The following NUP205 variants were observed in gnomAD, a reference collection of about 807,000 sequenced individuals.
The protein encoded by NUP205 is nucleoporin 205, also known as nuclear pore complex protein Nup205.
A neutral mutation model predicts 253.8 loss-of-function variants in NUP205; 76 were observed. That is an observed-to-expected ratio of 0.30 (90% CI 0.25 to 0.36). The LOEUF (loss-of-function observed/expected upper bound fraction) is 0.36, where lower values mean the gene tolerates loss of function less well. Among genes scored for constraint, NUP205 ranks in the 10% least tolerant of loss-of-function variants. NUP205 has a pLI of 1.00. For missense variants in NUP205, 2,162 were observed against 2,425.5 expected (o/e 0.89, Z 2.28); for synonymous variants, 832 against 850.1 (o/e 0.98, Z 0.37).
intron 2 of NUP205, among the ~76,000 whole-genome samples, chr7:135,571,676 C>T (rs763780146): frequency 1.3e-5 from 2 of 151,894 alleles, no homozygotes; most frequent in Non-Finnish European, 2.9e-5. Context: ...AATGGGGAGT[C>T]ATTCATCCCC....
At chr7:135,607,423 T>A (rs925931328) in intron 22 of NUP205, 52 bp downstream of exon 22, 2 of 1,593,776 alleles carry the variant, frequency 1.3e-6, no homozygotes, top group East Asian at 4.5e-5. Flanking sequence ...CTTGACCAGG[T>A]GCATGAGTAC....
At position 135,643,346 on chromosome 7, in the gene NUP205, T is replaced by C; in HGVS notation, c.5547T>C (p.Asp1849=). The change falls in exon 39 of 43, where the codon GAT becomes GAC. Residue 1849 remains aspartate, a synonymous_variant. Transcript: ENST00000285968. ...KLQNVEQLPP[D]EIKELCQSVM... ...AAAATGTAGAGCAGCTTCCCCCAGA[T>C]GAGATAAAAGAGGTACGAATCTTAT... 6.2e-7 allele frequency: 1 copy of C among 1,613,626 alleles called. No homozygotes were observed. The highest frequency in any genetic ancestry group is 8.5e-7 in the Non-Finnish European group (1 of 1,179,646).
rs1806148543 is a variant in NUP205, at chr7:135,576,263, T to G, written c.344-7T>G. 23 of 1,611,118 alleles carry G rather than the reference T, an allele frequency of 1.4e-5. No individual in the cohort carries two copies. The highest frequency in any genetic ancestry group is 1.9e-5 in the Non-Finnish European group (22 of 1,178,420). ...TAACAATATTATTTCTCAACTTCCT[T>G]TTTTAGGAGAGCATCAACAGCCACA... On this transcript the variant is annotated splice_region_variant and splice_polypyrimidine_tract_variant and intron_variant, in intron 3 of 42. Transcript: ENST00000285968.
At chr7:135,619,361 A>C (rs1313056512) in intron 28 of NUP205, 62 bp from the exon 29 acceptor site, 2 of 1,534,530 alleles carry the variant, frequency 1.3e-6, no homozygotes, top group African/African-American at 2.8e-5. Flanking sequence ...AAAGCTATGA[A>C]ATTTGTTAAT....
intron 1 of NUP205, among the ~76,000 whole-genome samples, chr7:135,560,680 A>G (rs777696481): frequency 1.3e-5 from 2 of 152,234 alleles, no homozygotes; most frequent in Non-Finnish European, 2.9e-5. Flanking sequence ...CACATAAAAC[A>G]ACGTGGATGA....
At chr7:135,575,263 A>T (rs115125969) in intron 3 of NUP205, among the ~76,000 whole-genome samples, 308 of 152,308 alleles carry the variant, frequency 2.0e-3, no homozygotes, top group African/African-American at 7.1e-3. Context: ...AGAACTCTTA[A>T]CAACATCATG....
rs1210618148 is a variant in NUP205, at chr7:135,628,012, C to T, written c.4833C>T (p.Thr1611=). The T allele has an allele frequency of 6.2e-7, 1 of 1,611,704 alleles. No individual in the cohort carries two copies. The highest frequency in any genetic ancestry group is 8.5e-7 in the Non-Finnish European group (1 of 1,179,496). ...GMRDPPMFIP[T]PVDRYRQILL... Reference sequence around the variant, plus strand: ...GAGACCCTCCAATGTTCATCCCTACCCCAGTGGATCGCTACCGCCAGATTC... The same window carrying T: ...GAGACCCTCCAATGTTCATCCCTACTCCAGTGGATCGCTACCGCCAGATTC... Residue 1611 remains threonine, a synonymous_variant, in exon 34 of 43, where the codon ACC becomes ACT. Coordinates refer to ENST00000285968, the MANE Select transcript of NUP205 (RefSeq NM_015135.3).
chr7:135,625,122 T>C (rs1794556924), intron 31 of NUP205, 42 bp from the exon 32 acceptor site: 5 of 1,469,828 alleles, frequency 3.4e-6, no homozygotes, highest in Non-Finnish European at 4.7e-6. Context: ...TTGATTTTGG[T>C]AGCATCTACA....
intron 38 of NUP205, among the ~76,000 whole-genome samples, chr7:135,640,161 C>T (rs1274774056): frequency 1.3e-5 from 2 of 152,172 alleles, no homozygotes; most frequent in Non-Finnish European, 2.9e-5. Flanking sequence ...ACCACCATGG[C>T]ACATGTATAC....
chr7:135,563,418 ACCTCGTGATGTGGCCCGCCTTGG>A (rs1471352623), intron 1 of NUP205, among the ~76,000 whole-genome samples: 1 of 152,062 alleles, frequency 6.6e-6, no homozygotes, highest in East Asian at 1.9e-4. Flanking sequence ...TGATCTCCTG[ACCTCGTGATGTGGCCCGCCTTGG>A]CCTCTCAAAG....
chr7:135,631,269 A>AT (rs1794708890), intron 35 of NUP205, among the ~76,000 whole-genome samples: 1 of 152,264 alleles, frequency 6.6e-6, no homozygotes, highest in Admixed American at 6.5e-5. Context: ...ATAGGTATAC[A>AT]TGTGAATTTT....
chr7:135,626,462 C>A, intron 33 of NUP205, 101 bp downstream of exon 33: 1 of 1,313,496 alleles, frequency 7.6e-7, no homozygotes, highest in Non-Finnish European at 1.0e-6. Context: ...AATTCTCTTT[C>A]ATCTTGGTGT....
intron 17 of NUP205, 68 bp downstream of exon 17, chr7:135,601,575 T>A: frequency 6.6e-7 from 1 of 1,509,238 alleles, no homozygotes; most frequent in Admixed American, 2.0e-5. Context: ...AAACTGAGAA[T>A]TTGAAATAGA....
Position 135,614,251 on chromosome 7 carries a change from G to T in NUP205, c.3288G>T (p.Gln1096His), listed in dbSNP as rs191301227. The T allele has an allele frequency of 1.9e-6, 3 of 1,597,374 alleles. No homozygotes were observed. The African/African-American group carries it at 4.0e-5, about 21-fold the overall frequency. The change falls in exon 23 of 43, where the codon CAG (glutamine) becomes CAT (histidine). Residue 1096 changes from glutamine (Q) to histidine (H), a missense_variant. Physicochemically the swap from Gln to His is conservative, Grantham distance 24. Coordinates refer to ENST00000285968, the MANE Select transcript of NUP205 (RefSeq NM_015135.3). ...TSQDFLFSQLQYLPFSNKEYE... is the reference protein window; with the variant it reads ...TSQDFLFSQLHYLPFSNKEYE... ...AGGATTTCTTATTTTCCCAGTTGCA[G>T]TATCTACCATTTTCTAACAAAGGTA...
At position 135,635,573 on chromosome 7, in the gene NUP205, T is replaced by C; in HGVS notation, c.5060-8T>C. The C allele has an allele frequency of 6.7e-7, 1 of 1,483,114 alleles. No individual in the cohort carries two copies. Among genetic ancestry groups the C allele is most frequent in the Non-Finnish European group, 9.4e-7 (1 of 1,068,410 alleles). 91.9% of individuals were successfully genotyped at this position (1,483,114 alleles called of 1,614,324 possible). ...ATAATATGTTTTAAAGCATTCTACA[T>C]TTTATAGGAATATTAAGTGAACTTG... On this transcript the variant is annotated splice_polypyrimidine_tract_variant and splice_region_variant and intron_variant, in intron 35 of 42. Transcript: ENST00000285968.
chr7:135,631,936 A>G (rs1794723644), intron 35 of NUP205, among the ~76,000 whole-genome samples: 2 of 152,140 alleles, frequency 1.3e-5, no homozygotes, highest in South Asian at 4.2e-4. Flanking sequence ...TTTTTAGTAG[A>G]GACGGGGTTT....
At chr7:135,637,871 C>G in intron 36 of NUP205, 60 bp from the exon 37 acceptor site, 1 of 1,499,638 alleles carries the variant, frequency 6.7e-7, no homozygotes, top group East Asian at 2.3e-5. Flanking sequence ...GTTTCTATCC[C>G]TCAAGAAAGA....
chr7:135,578,637 CA>C, intron 6 of NUP205, 113 bp from the exon 7 acceptor site: 1 of 672,588 alleles, frequency 1.5e-6, no homozygotes, highest in Non-Finnish European at 2.4e-6. Flanking sequence ...GTTAATTGGT[CA>C]TTATTCTTCT....
intron 22 of NUP205, among the ~76,000 whole-genome samples, chr7:135,609,118 A>T (rs1794164153): frequency 6.6e-6 from 1 of 151,150 alleles, no homozygotes; most frequent in Non-Finnish European, 1.5e-5. Flanking sequence ...AAAAAAAAAA[A>T]AAAAAAGAAC....
Sources: allele counts gnomAD v4.1 joint callset (sites outside exome capture counted in the v4.1 genomes callset), GRCh38; gene constraint gnomAD v4.1.1; transcripts MANE v1.5; gene names NCBI Gene and HGNC (gene_info 2026-07-23, HGNC 2026-07-21).